The following TLE1 variants were observed in gnomAD, a reference collection of about 807,000 sequenced individuals.
TLE1 encodes the protein TLE family member 1, transcriptional corepressor, also known as transducin-like enhancer protein 1.
A neutral mutation model predicts 89.8 loss-of-function variants in TLE1; 21 were observed. The ratio of observed to expected loss-of-function variants is 0.23; its 90% CI spans 0.17 to 0.34. TLE1 has a LOEUF of 0.34. Among genes scored for constraint, TLE1 ranks in the 10% least tolerant of loss-of-function variants. The probability of loss-of-function intolerance (pLI) is 1.00; values close to 1 mark genes in which losing one functional copy is unlikely to be tolerated. For synonymous variants in TLE1, 447 were observed against 407.6 expected (o/e 1.10, Z -1.16); for missense variants, 795 against 1,031.2 (o/e 0.77, Z 3.14).
chr9:81,674,304 G>C (rs1174513063), intron 4 of TLE1, among the ~76,000 whole-genome samples: 2 of 152,134 alleles, frequency 1.3e-5, no homozygotes, highest in Non-Finnish European at 2.9e-5. Flanking sequence ...ACACTGGCTG[G>C]CCACTGTACT....
chr9:81,613,504 C>A lies in TLE1; in HGVS notation c.936G>T (p.Thr312=). The A allele has an allele frequency of 6.2e-7, 1 of 1,614,144 alleles. No individual in the cohort carries two copies. Among genetic ancestry groups the A allele is most frequent in the Non-Finnish European group, 8.5e-7 (1 of 1,180,042 alleles). ...KEMSLHEKAS[T]PVLKSSTPTP... ...TTGGTGTGCTGGATTTCAGAACAGG[C>A]GTGCTGGCTTTTTCATGCTGGTGTC... The change falls in exon 12 of 20, where the codon ACG becomes ACT. Residue 312 remains threonine, a synonymous_variant. Coordinates refer to ENST00000376499, the MANE Select transcript of TLE1 (RefSeq NM_005077.5).
chr9:81,615,957 G>A, intron 11 of TLE1, 25 bp downstream of exon 11: 1 of 1,612,184 alleles, frequency 6.2e-7, no homozygotes, highest in Non-Finnish European at 8.5e-7. Flanking sequence ...TGCCAAACAG[G>A]CAAGTGTCAG....
At chr9:81,635,971 C>A (rs1401313008) in intron 6 of TLE1, among the ~76,000 whole-genome samples, 1 of 152,006 alleles carries the variant, frequency 6.6e-6, no homozygotes, top group Admixed American at 6.6e-5. Flanking sequence ...CCAGCCTGGG[C>A]AACATAGGGA....
intron 14 of TLE1, among the ~76,000 whole-genome samples, chr9:81,609,163 C>A (rs1311417691): frequency 6.6e-6 from 1 of 151,960 alleles, no homozygotes; most frequent in Non-Finnish European, 1.5e-5. Context: ...TCACTCACTG[C>A]AACCTCCGCC....
chr9:81,689,039 T>C lies in TLE1; in HGVS notation c.-799A>G, dbSNP rs999796969. The C allele has an allele frequency of 3.3e-5, 5 of 151,808 alleles. No individual in the cohort carries two copies. Among genetic ancestry groups the C allele is most frequent in the African/African-American group, 1.2e-4 (5 of 41,278 alleles). 9.4% of individuals were successfully genotyped at this position (151,808 alleles called of 1,614,324 possible). A position where few individuals can be genotyped will look rare whatever the true frequency, so the allele number is the denominator to read the frequency against. On this transcript the variant is annotated 5_prime_UTR_variant, in exon 1 of 20. Coordinates refer to ENST00000376499, the MANE Select transcript of TLE1 (RefSeq NM_005077.5). Reference sequence around the variant, plus strand: ...CGAGAGCAGTCCCGCAAGTGCCCAATGCTCCTCGAGCCCGGGGAGCATCAG... The same window carrying C: ...CGAGAGCAGTCCCGCAAGTGCCCAACGCTCCTCGAGCCCGGGGAGCATCAG...
chr9:81,654,328 T>C (rs537611750), intron 4 of TLE1, among the ~76,000 whole-genome samples: 46 of 152,078 alleles, frequency 3.0e-4, no homozygotes, highest in Middle Eastern at 3.4e-3. Context: ...ATGGTGACTA[T>C]ATATATATAC....
chr9:81,670,614 C>T (rs1053279060), intron 4 of TLE1, among the ~76,000 whole-genome samples: 2 of 151,820 alleles, frequency 1.3e-5, no homozygotes, highest in African/African-American at 4.8e-5. Context: ...GGATTGCAGG[C>T]ATGGCCACCT....
At chr9:81,659,563 T>G (rs972836244) in intron 4 of TLE1, among the ~76,000 whole-genome samples, 2 of 152,120 alleles carry the variant, frequency 1.3e-5, no homozygotes, top group Non-Finnish European at 2.9e-5. Context: ...AACAAGACTT[T>G]CTTCATGGAT....
chr9:81,585,469 A>C (rs368721457), intron 18 of TLE1, 36 bp downstream of exon 18: 21 of 1,595,062 alleles, frequency 1.3e-5, no homozygotes, highest in Non-Finnish European at 1.7e-6. Flanking sequence ...CATTTGGGCC[A>C]TCAACGGCCT....
At chr9:81,612,050 T>C in intron 12 of TLE1, 91 bp from the exon 13 acceptor site, 1 of 1,040,674 alleles carries the variant, frequency 9.6e-7, no homozygotes, top group Non-Finnish European at 1.3e-6. Flanking sequence ...TTAGTGTCAC[T>C]CATGGGGAGA....
At chr9:81,622,263 C>A (rs561727355) in intron 8 of TLE1, among the ~76,000 whole-genome samples, 2 of 152,294 alleles carry the variant, frequency 1.3e-5, no homozygotes, top group South Asian at 4.1e-4. Flanking sequence ...CACGGCAGGG[C>A]TGTATCTTAT....
chr9:81,633,204 G>GA, intron 8 of TLE1, 144 bp downstream of exon 8: 1 of 1,381,580 alleles, frequency 7.2e-7, no homozygotes, highest in Non-Finnish European at 9.5e-7. Context: ...AAAAGTAAAA[G>GA]AAAAAAGCCA....
rs530668469 is a variant in TLE1, at chr9:81,622,756, A to G, written c.595-2199T>C. On this transcript the variant is annotated intron_variant, in intron 8 of 19. Coordinates refer to ENST00000376499, the MANE Select transcript of TLE1 (RefSeq NM_005077.5). ...CTGAAAATGGGCCCCATTCAACAGC[A>G]GACTTCAACAAGTTACAAAACAAGA... 1.3e-4 allele frequency among the ~76,000 whole-genome samples: 20 copies of G among 152,338 alleles called. 1 individual carries two copies. The South Asian group carries it at 4.1e-3, about 32-fold the overall frequency.
rs192468133 is a variant in TLE1, at chr9:81,607,815, A to G, written c.1331+2405T>C. ...GGTACTCAACTGGAAGAGAACTACC[A>G]GCTAAGTGAACATTAAGCAATACTA... On this transcript the variant is annotated intron_variant, in intron 14 of 19. Coordinates refer to ENST00000376499, the MANE Select transcript of TLE1 (RefSeq NM_005077.5). Among the ~76,000 whole-genome samples, 32 of 152,350 alleles carry G rather than the reference A, an allele frequency of 2.1e-4. No homozygotes were observed. In the East Asian group the frequency reaches 6.0e-3, roughly 28 times the overall value.
chr9:81,672,268 C>A (rs758014189), intron 4 of TLE1, among the ~76,000 whole-genome samples: 4 of 152,050 alleles, frequency 2.6e-5, no homozygotes, highest in African/African-American at 4.8e-5. Context: ...GAGTAAACAG[C>A]CTAAACTTCC....
intron 4 of TLE1, among the ~76,000 whole-genome samples, chr9:81,655,530 C>A (rs921547413): frequency 2.0e-5 from 3 of 151,964 alleles, no homozygotes; most frequent in African/African-American, 7.3e-5. Context: ...TACAGCAATG[C>A]AAAGCAGCTC....
At chr9:81,642,017 C>T (rs10780525) in intron 6 of TLE1, among the ~76,000 whole-genome samples, 35,394 of 150,920 alleles carry the variant, frequency 0.23, 4,526 homozygotes, top group Non-Finnish European at 0.29. Context: ...AGCAAAACTC[C>T]ATCTCCAAAA....
chr9:81,587,907 CGTGTGTGTGTGTGT>C (rs71496083), intron 16 of TLE1, 79 bp from the exon 17 acceptor site: 23 of 753,832 alleles, frequency 3.1e-5, no homozygotes, highest in Middle Eastern at 3.1e-4. Flanking sequence ...AGTTTTGGAC[CGTGTGTGTGTGTGT>C]GTGTGTGTGT....
intron 6 of TLE1, among the ~76,000 whole-genome samples, chr9:81,637,766 A>G (rs1413701563): frequency 6.6e-6 from 1 of 151,148 alleles, no homozygotes; most frequent in African/African-American, 2.4e-5. Flanking sequence ...TCCACCTCAT[A>G]TTCGACTTCT....
Sources: gnomAD v4.1 joint callset for allele counts (sites outside exome capture counted in the v4.1 genomes callset) on GRCh38, gnomAD v4.1.1 for gene constraint, MANE v1.5 for transcripts, NCBI Gene and HGNC (gene_info 2026-07-23, HGNC 2026-07-21) for gene names.